CFH: variants seen among roughly 807,000 people sequenced by gnomAD.
CFH encodes H factor 1 (complement).
CFH carries 53 observed loss-of-function variants against 147.3 expected under a neutral mutation model. The observed-to-expected ratio is 0.36, with a 90% CI of 0.29 to 0.45. The LOEUF is 0.45. Ranked by LOEUF, CFH falls within the 20% of genes least tolerant of loss-of-function variation. The pLI, the probability that CFH is intolerant of heterozygous loss-of-function variation, is 1.00. For missense variants in CFH, 1,380 were observed against 1,498.0 expected, an observed-to-expected ratio of 0.92 and a Z score of 1.30; for synonymous variants, 536 against 489.4, an observed-to-expected ratio of 1.10 and a Z score of -1.26.
intron 20 of CFH, among the ~76,000 whole-genome samples, chr1:196,744,108 T>G (rs1433767025): frequency 6.6e-6 from 1 of 151,952 alleles, no homozygotes; most frequent in African/African-American, 2.4e-5. Flanking sequence ...AGAGATGAAA[T>G]AAGGGAAACC....
chr1:196,679,921 CAT>C (rs1429317711), intron 6 of CFH, 128 bp downstream of exon 6: 1 of 857,758 alleles, frequency 1.2e-6, no homozygotes, highest in Non-Finnish European at 1.8e-6. Flanking sequence ...TTATAAAAAA[CAT>C]ATAGCATTTT....
At chr1:196,653,848 A>G (rs1258196395) in intron 1 of CFH, among the ~76,000 whole-genome samples, 1 of 152,098 alleles carries the variant, frequency 6.6e-6, no homozygotes, top group African/African-American at 2.4e-5. Flanking sequence ...AAATCTGATT[A>G]TTTCCTAAAA....
chr1:196,701,371 T>A (rs746476715), intron 9 of CFH: 1 of 1,613,514 alleles, frequency 6.2e-7, no homozygotes, highest in Admixed American at 1.7e-5. Context: ...CTTGAGTGGA[T>A]CAAAGATGAC....
intron 9 of CFH, among the ~76,000 whole-genome samples, chr1:196,712,319 AT>A (rs1668740523): frequency 6.6e-6 from 1 of 151,700 alleles, no homozygotes; most frequent in Non-Finnish European, 1.5e-5. Flanking sequence ...TTGTTTCAAA[AT>A]TTATACTCAT....
rs557054264 is a variant in CFH at position 196,674,614 on chromosome 1, G to C, written c.350+652G>C. 3.3e-3 allele frequency among the ~76,000 whole-genome samples: 501 copies of C among 152,014 alleles called. 1 individual carries two copies. The highest frequency in any genetic ancestry group is 6.8e-3 in the Admixed American group (103 of 15,248). ...GAAAAATTTATGTATGGGAAAACCA[G>C]GATTAGATCACTATAATCGTATACT... On this transcript the variant is annotated intron_variant, in intron 3 of 21. Transcript: ENST00000367429.
At chr1:196,676,588 G>T (rs1667463764) in intron 4 of CFH, among the ~76,000 whole-genome samples, 5 of 152,042 alleles carry the variant, frequency 3.3e-5, no homozygotes, top group Admixed American at 3.3e-4. Context: ...ATGAGAAAAT[G>T]TAGATTCTGT....
intron 15 of CFH, among the ~76,000 whole-genome samples, chr1:196,735,121 G>A (rs1306465712): frequency 1.3e-5 from 2 of 152,146 alleles, no homozygotes; most frequent in South Asian, 2.1e-4. Context: ...TCTATGTGTC[G>A]GGAGACAGAG....
At chr1:196,693,562 T>C (rs1386244210) in intron 9 of CFH, among the ~76,000 whole-genome samples, 1 of 152,128 alleles carries the variant, frequency 6.6e-6, no homozygotes, top group Non-Finnish European at 1.5e-5. Flanking sequence ...ACTAACAGGC[T>C]GGTGCATACA....
intron 1 of CFH, among the ~76,000 whole-genome samples, chr1:196,669,698 G>A (rs1207652704): frequency 6.6e-6 from 1 of 152,184 alleles, no homozygotes; most frequent in Non-Finnish European, 1.5e-5. Context: ...GTGCTGCAAG[G>A]GAGGAACCCT....
chr1:196,692,900 TC>T lies in CFH; in HGVS notation c.1336+2664del, dbSNP rs1668114955. Among the ~76,000 whole-genome samples, 3 of 115,070 alleles carry T rather than the reference TC, an allele frequency of 2.6e-5. 1 individual carries two copies. The South Asian group carries it at 9.5e-4, about 36-fold the overall frequency. The allele number at this position is 115,070 out of a possible 152,430, so 75.5% of individuals were successfully genotyped here. A position where few individuals can be genotyped will look rare whatever the true frequency, so the allele number is the denominator to read the frequency against. On this transcript the variant is annotated intron_variant, in intron 9 of 21. Transcript: ENST00000367429. Reference sequence around the variant, plus strand: ...TCACCTCCCTCCCTCCCTCCCTCCCTCCCTTCCTTCCTTCCTTCCTTCCTTC... The same window carrying T: ...TCACCTCCCTCCCTCCCTCCCTCCCTCCTTCCTTCCTTCCTTCCTTCCTTC...
intron 12 of CFH, 122 bp downstream of exon 12, chr1:196,725,419 C>T: frequency 3.3e-6 from 3 of 908,264 alleles, no homozygotes; most frequent in Non-Finnish European, 5.3e-6. Context: ...AAATATTTGC[C>T]TGTGAAGGAC....
chr1:196,671,048 A>C (rs1315999708), intron 1 of CFH, among the ~76,000 whole-genome samples: 1 of 151,990 alleles, frequency 6.6e-6, no homozygotes, highest in Non-Finnish European at 1.5e-5. Flanking sequence ...ACTTCCTCTA[A>C]GTTTAATAAG....
chr1:196,658,635 T>A lies in CFH; in HGVS notation c.58+6460T>A, dbSNP rs191672209. ...ACCGTGTTAGTGTTAGTCAGGATGG[T>A]CTGGATCTCCTGACCTCGTGATCTG... On this transcript the variant is annotated intron_variant, in intron 1 of 21. Coordinates refer to ENST00000367429, the MANE Select transcript of CFH (RefSeq NM_000186.4). Among the ~76,000 whole-genome samples the A allele has an allele frequency of 2.7e-3, 406 of 151,992 alleles. 7 individuals are homozygous for A. Among genetic ancestry groups the A allele is most frequent in the Admixed American group, 0.013 (199 of 15,252 alleles).
At chr1:196,723,526 CA>C (rs1669053212) in intron 11 of CFH, among the ~76,000 whole-genome samples, 1 of 152,128 alleles carries the variant, frequency 6.6e-6, no homozygotes, top group Admixed American at 6.6e-5. Flanking sequence ...GTTCAACATT[CA>C]GGACAGTAGG....
intron 9 of CFH, among the ~76,000 whole-genome samples, chr1:196,697,422 T>G (rs1483513073): frequency 6.6e-6 from 1 of 152,200 alleles, no homozygotes. Flanking sequence ...GCATCACTGG[T>G]CATTAGAGAA....
intron 9 of CFH, among the ~76,000 whole-genome samples, chr1:196,692,055 C>T (rs1487687251): frequency 6.6e-6 from 1 of 151,896 alleles, no homozygotes; most frequent in Non-Finnish European, 1.5e-5. Context: ...CACACAATAA[C>T]TATTACTCTG....
intron 1 of CFH, among the ~76,000 whole-genome samples, chr1:196,671,554 A>G (rs1667277627): frequency 6.7e-6 from 1 of 149,576 alleles, no homozygotes; most frequent in Non-Finnish European, 1.5e-5. Context: ...AAAGTCAAGA[A>G]TCTGGTTGGT....
Position 196,740,616 on chromosome 1 carries a change from T to C in CFH, c.2783-3T>C, listed in dbSNP as rs1018815333. 6 of 1,612,872 alleles carry C rather than the reference T, an allele frequency of 3.7e-6. No homozygotes were observed. The highest frequency in any genetic ancestry group is 2.5e-6 in the Non-Finnish European group (3 of 1,179,580). ...AAACCTGAATTCATTCTTTTTTTTT[T>C]AGGCCTTCCTTGTAAATCTCCACCT... On this transcript the variant is annotated splice_region_variant and splice_polypyrimidine_tract_variant and intron_variant, in intron 17 of 21. Coordinates refer to ENST00000367429, the MANE Select transcript of CFH (RefSeq NM_000186.4).
intron 14 of CFH, 90 bp from the exon 15 acceptor site, chr1:196,728,255 GC>G: frequency 1.1e-6 from 1 of 921,652 alleles, no homozygotes; most frequent in Non-Finnish European, 1.6e-6. Context: ...ATTTTACCAT[GC>G]TAATACTATT....
Sources: gnomAD v4.1 joint callset for allele counts (sites outside exome capture counted in the v4.1 genomes callset) on GRCh38, gnomAD v4.1.1 for gene constraint, MANE v1.5 for transcripts, NCBI Gene and HGNC (gene_info 2026-07-23, HGNC 2026-07-21) for gene names.